SPMIP7: variants seen among roughly 807,000 people sequenced by gnomAD.
SPMIP7 encodes protein SPMIP7.
At chr7:50,130,237 C>T in the SPMIP7 span, among the ~76,000 whole-genome samples, 1 of 152,136 alleles carries the variant, frequency 6.6e-6, no homozygotes, top group Non-Finnish European at 1.5e-5. Flanking sequence ...CTAATAAAGA[C>T]ATACCAGAGA....
At chr7:50,118,264 G>C in the SPMIP7 span, among the ~76,000 whole-genome samples, 2 of 152,112 alleles carry the variant, frequency 1.3e-5, no homozygotes, top group African/African-American at 4.8e-5. Flanking sequence ...AGTCCTTGAA[G>C]CTTCCACTGT....
the SPMIP7 span, among the ~76,000 whole-genome samples, chr7:50,115,792 G>GA: frequency 1.2e-4 from 18 of 152,048 alleles, no homozygotes; most frequent in East Asian, 2.5e-3. Flanking sequence ...CTCAAGATAT[G>GA]AAAAAAAATT....
the SPMIP7 span, among the ~76,000 whole-genome samples, chr7:50,100,007 C>T: frequency 6.6e-6 from 1 of 152,084 alleles, no homozygotes; most frequent in South Asian, 2.1e-4. Flanking sequence ...TTCTAGGGGG[C>T]TGAGAGAGAA....
At chr7:50,148,682 AG>A in the SPMIP7 span, among the ~76,000 whole-genome samples, 9 of 152,200 alleles carry the variant, frequency 5.9e-5, no homozygotes, top group East Asian at 3.8e-4. Context: ...AAAATCCTGC[AG>A]GGCACTGCCT....
chr7:50,132,654 T>C, the SPMIP7 span, among the ~76,000 whole-genome samples: 1 of 152,136 alleles, frequency 6.6e-6, no homozygotes, highest in Non-Finnish European at 1.5e-5. Context: ...TAGTCAGATA[T>C]GGTAGAAAAC....
chr7:50,136,135 C>A, the SPMIP7 span: 1 of 1,551,318 alleles, frequency 6.4e-7, no homozygotes, highest in Admixed American at 2.0e-5. Context: ...CAAACAAGAT[C>A]TTTCTTGGCA....
the SPMIP7 span, chr7:50,129,765 G>T: frequency 1.9e-6 from 3 of 1,548,784 alleles, no homozygotes; most frequent in Admixed American, 2.0e-5. Context: ...TAATGCAAAG[G>T]ACTCATTTTA....
chr7:50,112,966 T>C, the SPMIP7 span, among the ~76,000 whole-genome samples: 1 of 151,074 alleles, frequency 6.6e-6, no homozygotes, highest in Non-Finnish European at 1.5e-5. Context: ...TAAAAGGAAC[T>C]ACTAAAGCTA....
the SPMIP7 span, among the ~76,000 whole-genome samples, chr7:50,122,568 G>A: frequency 1.3e-5 from 2 of 150,850 alleles, no homozygotes; most frequent in African/African-American, 2.4e-5. Context: ...TGACAAATGG[G>A]ATCTAATTAA....
chr7:50,153,847 C>A, the SPMIP7 span, among the ~76,000 whole-genome samples: 1 of 152,170 alleles, frequency 6.6e-6, no homozygotes, highest in Non-Finnish European at 1.5e-5. Flanking sequence ...CCCCGACTAG[C>A]CTGTTGTAGG....
chr7:50,111,305 T>C, the SPMIP7 span, among the ~76,000 whole-genome samples: 1 of 151,998 alleles, frequency 6.6e-6, no homozygotes, highest in South Asian at 2.1e-4. Flanking sequence ...TTCCTGCTTC[T>C]GCAGTGAAAT....
chr7:50,151,514 A>G, the SPMIP7 span: 4 of 1,551,634 alleles, frequency 2.6e-6, no homozygotes, highest in Non-Finnish European at 3.5e-6. Flanking sequence ...AGCAAATTCT[A>G]ATATTCCATC....
the SPMIP7 span, among the ~76,000 whole-genome samples, chr7:50,110,648 T>G: frequency 7.4e-6 from 1 of 135,554 alleles, no homozygotes; most frequent in Non-Finnish European, 1.5e-5. Flanking sequence ...ATAAATATAT[T>G]ATATAATGTG....
chr7:50,145,618 G>GTGTATATA, the SPMIP7 span, among the ~76,000 whole-genome samples: 9 of 27,698 alleles, frequency 3.2e-4, no homozygotes, highest in African/African-American at 1.2e-3. Flanking sequence ...ATATGTGTGT[G>GTGTATATA]TATATATATA....
At chr7:50,130,319 G>T in the SPMIP7 span, among the ~76,000 whole-genome samples, 1 of 152,064 alleles carries the variant, frequency 6.6e-6, no homozygotes, top group South Asian at 2.1e-4. Context: ...CACAATCATG[G>T]CAGAAGGCAA....
At chr7:50,097,552 G>A in the SPMIP7 span, among the ~76,000 whole-genome samples, 2 of 152,086 alleles carry the variant, frequency 1.3e-5, no homozygotes, top group African/African-American at 2.4e-5. Context: ...CTGGCCTTGA[G>A]CTCTGGCAAA....
chr7:50,152,044 G>T, the SPMIP7 span, among the ~76,000 whole-genome samples: 12 of 152,268 alleles, frequency 7.9e-5, no homozygotes, highest in African/African-American at 1.9e-4. Flanking sequence ...CCCACATTTT[G>T]CAAATTGAAA....
the SPMIP7 span, among the ~76,000 whole-genome samples, chr7:50,118,347 G>T: frequency 6.6e-6 from 1 of 152,140 alleles, no homozygotes; most frequent in Non-Finnish European, 1.5e-5. Context: ...TCCAAATTAT[G>T]AACAAATACT....
At chr7:50,124,847 C>T in the SPMIP7 span, among the ~76,000 whole-genome samples, 1 of 151,702 alleles carries the variant, frequency 6.6e-6, no homozygotes, top group African/African-American at 2.4e-5. Flanking sequence ...GCCTGTAATC[C>T]CAGGACTTTG....
Sources: gnomAD v4.1 joint callset for allele counts (sites outside exome capture counted in the v4.1 genomes callset) on GRCh38, gnomAD v4.1.1 for gene constraint, MANE v1.5 for transcripts, NCBI Gene and HGNC (gene_info 2026-07-23, HGNC 2026-07-21) for gene names.